Variants in PPARGC1A observed in about 807,000 individuals in gnomAD.
PPARGC1A encodes the protein PPARG coactivator 1 alpha.
Under a neutral mutation model 88.7 loss-of-function variants are expected in PPARGC1A, and 25 were observed. That is an observed-to-expected ratio of 0.28 (90% CI 0.21 to 0.39). PPARGC1A has a LOEUF of 0.39. Among genes scored for constraint, PPARGC1A ranks in the 10% least tolerant of loss-of-function variants. The pLI is 1.00. For synonymous variants in PPARGC1A, 363 were observed against 355.6 expected (o/e 1.02, Z -0.24); for missense variants, 880 against 968.7 (o/e 0.91, Z 1.22).
chr4:23,956,471 C>G, the PPARGC1A span, among the ~76,000 whole-genome samples: 1 of 152,040 alleles, frequency 6.6e-6, no homozygotes, highest in South Asian at 2.1e-4. Context: ...CTCACAGAGT[C>G]AAACCACAGA....
At chr4:24,204,816 T>C in the PPARGC1A span, among the ~76,000 whole-genome samples, 2 of 152,054 alleles carry the variant, frequency 1.3e-5, no homozygotes, top group African/African-American at 4.8e-5. Context: ...TCACGTTTTT[T>C]TGTTTGGTTG....
the PPARGC1A span, among the ~76,000 whole-genome samples, chr4:24,271,941 G>A: frequency 6.6e-6 from 1 of 152,066 alleles, no homozygotes; most frequent in African/African-American, 2.4e-5. Context: ...CTAACACTCA[G>A]ATCATTCATT....
the PPARGC1A span, among the ~76,000 whole-genome samples, chr4:24,109,709 G>C: frequency 6.6e-6 from 1 of 152,138 alleles, no homozygotes; most frequent in Non-Finnish European, 1.5e-5. Flanking sequence ...ATCCTGAGTA[G>C]TAGAGTGTCC....
chr4:24,230,163 C>A, the PPARGC1A span, among the ~76,000 whole-genome samples: 1 of 152,182 alleles, frequency 6.6e-6, no homozygotes, highest in African/African-American at 2.4e-5. Flanking sequence ...CTCTTAGCAA[C>A]TCGCTCCAAT....
At chr4:23,991,791 A>C in the PPARGC1A span, among the ~76,000 whole-genome samples, 5 of 151,970 alleles carry the variant, frequency 3.3e-5, no homozygotes, top group Non-Finnish European at 7.4e-5. Context: ...TCTCCTTTAC[A>C]CTCCAAGTGT....
At chr4:24,293,982 A>G in the PPARGC1A span, among the ~76,000 whole-genome samples, 3 of 152,202 alleles carry the variant, frequency 2.0e-5, no homozygotes, top group African/African-American at 7.2e-5. Flanking sequence ...ATTTATATAA[A>G]ACTTTTGGAT....
At chr4:24,470,709 C>G in the PPARGC1A span, among the ~76,000 whole-genome samples, 2 of 151,898 alleles carry the variant, frequency 1.3e-5, no homozygotes, top group Non-Finnish European at 2.9e-5. This position sits in a 1 kb window ranked among gnomAD's most constrained non-coding sequence, Gnocchi z 5.8. Flanking sequence ...GCAGCCCAGA[C>G]GCCCCCACCC....
chr4:23,962,444 C>T, the PPARGC1A span, among the ~76,000 whole-genome samples: 13 of 152,232 alleles, frequency 8.5e-5, no homozygotes, highest in South Asian at 1.5e-3. Flanking sequence ...ACTTGCCTTT[C>T]CTCTGCTCCA....
the PPARGC1A span, among the ~76,000 whole-genome samples, chr4:24,030,089 A>T: frequency 6.6e-6 from 1 of 152,240 alleles, no homozygotes; most frequent in South Asian, 2.1e-4. Context: ...TAACCTATTG[A>T]TGAGGACAAC....
chr4:24,117,338 G>T, the PPARGC1A span, among the ~76,000 whole-genome samples: 1 of 152,096 alleles, frequency 6.6e-6, no homozygotes, highest in Non-Finnish European at 1.5e-5. Flanking sequence ...TTAAGTGAAG[G>T]AATTCAGGTG....
At chr4:23,887,106 T>G (rs1388956195) in intron 1 of PPARGC1A, among the ~76,000 whole-genome samples, 1 of 152,220 alleles carries the variant, frequency 6.6e-6, no homozygotes. Flanking sequence ...TTTAAATAAC[T>G]TTTGAAAACC....
the PPARGC1A span, among the ~76,000 whole-genome samples, chr4:24,192,261 G>A: frequency 1.3e-5 from 2 of 152,084 alleles, no homozygotes; most frequent in South Asian, 2.1e-4. Context: ...CTCCCTGAAC[G>A]TCCATTTGCT....
At chr4:24,362,204 T>C in the PPARGC1A span, among the ~76,000 whole-genome samples, 1 of 152,324 alleles carries the variant, frequency 6.6e-6, no homozygotes, top group East Asian at 1.9e-4. Flanking sequence ...ATACAGGCTG[T>C]GATCATCTTC....
At chr4:24,422,943 G>A in the PPARGC1A span, among the ~76,000 whole-genome samples, 1 of 152,300 alleles carries the variant, frequency 6.6e-6, no homozygotes, top group Non-Finnish European at 1.5e-5. Flanking sequence ...ATTCACTAAG[G>A]TGGGAAGACA....
the PPARGC1A span, among the ~76,000 whole-genome samples, chr4:24,250,191 G>A: frequency 6.6e-6 from 1 of 152,200 alleles, no homozygotes; most frequent in African/African-American, 2.4e-5. Context: ...CCACACCCAG[G>A]CTCGAGGAAC....
chr4:23,870,382 T>C (rs1438691186), intron 2 of PPARGC1A, among the ~76,000 whole-genome samples: 1 of 152,208 alleles, frequency 6.6e-6, no homozygotes. Context: ...TTGAGAAATA[T>C]AGGATTATTT....
At chr4:24,434,164 C>T in the PPARGC1A span, among the ~76,000 whole-genome samples, 2 of 152,198 alleles carry the variant, frequency 1.3e-5, no homozygotes, top group African/African-American at 4.8e-5. Context: ...GAGATATAAA[C>T]AACAGATGAC....
the PPARGC1A span, among the ~76,000 whole-genome samples, chr4:23,916,478 G>T: frequency 6.6e-6 from 1 of 152,106 alleles, no homozygotes; most frequent in Admixed American, 6.5e-5. Context: ...ATAATCACAT[G>T]CAGATTTATA....
At chr4:24,015,159 A>G in the PPARGC1A span, among the ~76,000 whole-genome samples, 2 of 152,128 alleles carry the variant, frequency 1.3e-5, no homozygotes, top group African/African-American at 4.8e-5. Flanking sequence ...ACAGAAATAG[A>G]TGATATACAG....
Sources: gnomAD v4.1 joint callset for allele counts (sites outside exome capture counted in the v4.1 genomes callset) on GRCh38, gnomAD v4.1.1 for gene constraint, Gnocchi (gnomAD v3.1) non-coding constraint, MANE v1.5 for transcripts, NCBI Gene and HGNC (gene_info 2026-07-23, HGNC 2026-07-21) for gene names.